FGF18: variants seen among roughly 807,000 people sequenced by gnomAD.
FGF18 encodes fibroblast growth factor 18.
FGF18 carries 5 observed loss-of-function variants against 23.0 expected under a neutral mutation model. The ratio of observed to expected loss-of-function variants is 0.22; its 90% CI spans 0.11 to 0.46. The LOEUF (loss-of-function observed/expected upper bound fraction) is 0.46. Ranked by LOEUF, FGF18 falls within the 20% of genes least tolerant of loss-of-function variation. The pLI is 0.99. For missense variants in FGF18, 180 were observed against 291.6 expected (o/e 0.62, Z 2.79); for synonymous variants, 117 against 118.9 (o/e 0.98, Z 0.10).
At chr5:171,437,700 C>G (rs867946899) in intron 3 of FGF18, among the ~76,000 whole-genome samples, 6 of 152,176 alleles carry the variant, frequency 3.9e-5, no homozygotes, top group Non-Finnish European at 8.8e-5. Context: ...CCTGGCTGTG[C>G]TAGGCTGACC....
intron 2 of FGF18, among the ~76,000 whole-genome samples, chr5:171,432,274 C>T (rs1482604478): frequency 6.6e-6 from 1 of 152,184 alleles, no homozygotes; most frequent in African/African-American, 2.4e-5. Flanking sequence ...CCCCGCTATG[C>T]ATGTGCTCTG....
chr5:171,442,520 G>A (rs1042793302), intron 3 of FGF18, among the ~76,000 whole-genome samples: 5 of 152,166 alleles, frequency 3.3e-5, no homozygotes, highest in Admixed American at 2.0e-4. Flanking sequence ...TCCAGCCCTC[G>A]CAGGGCCCCA....
At position 171,451,263 on chromosome 5, in the gene FGF18, G is replaced by A. The variant is rs1210079697; in HGVS notation, c.357+2010G>A. On this transcript the variant is annotated intron_variant, in intron 4 of 4. Transcript: ENST00000274625. This position sits in a 1 kb window ranked among gnomAD's most constrained non-coding sequence, Gnocchi z 4.5. ...CCCCCGCTCCCGCCCAGGCCTCCAC[G>A]CCCGACCCCAACCCTTGCCAGCCTC... Among the ~76,000 whole-genome samples, 2 of 148,274 alleles carry A rather than the reference G, an allele frequency of 1.3e-5. No homozygotes were observed. Among genetic ancestry groups the A allele is most frequent in the East Asian group, 4.3e-4 (2 of 4,654 alleles).
At chr5:171,455,239 A>C (rs567290906) in intron 4 of FGF18, among the ~76,000 whole-genome samples, 57 of 152,330 alleles carry the variant, frequency 3.7e-4, no homozygotes, top group African/African-American at 1.3e-3. Flanking sequence ...CAGGAGCCTG[A>C]GATCCCACAA....
chr5:171,432,923 C>T (rs1472595527), intron 2 of FGF18, among the ~76,000 whole-genome samples: 2 of 152,262 alleles, frequency 1.3e-5, no homozygotes, highest in Non-Finnish European at 2.9e-5. Context: ...GAACCAGTCA[C>T]ACTGGACTTG....
intron 4 of FGF18, among the ~76,000 whole-genome samples, chr5:171,449,748 T>C (rs1772470971): frequency 6.6e-6 from 1 of 151,568 alleles, no homozygotes; most frequent in African/African-American, 2.4e-5. Context: ...CTGGGCCTCT[T>C]GGTTCTAGCA....
chr5:171,428,088 C>T (rs981322990), intron 2 of FGF18, among the ~76,000 whole-genome samples: 7 of 152,206 alleles, frequency 4.6e-5, no homozygotes, highest in African/African-American at 7.2e-5. Flanking sequence ...ATGTGAGCTG[C>T]GTATCTGCAT....
intron 2 of FGF18, among the ~76,000 whole-genome samples, chr5:171,424,882 C>T (rs1034112216): frequency 5.3e-5 from 8 of 152,054 alleles, no homozygotes; most frequent in African/African-American, 1.9e-4. Flanking sequence ...GGGCGGGGCT[C>T]CCCATCAGCA....
chr5:171,427,151 G>GGT (rs1184685026), intron 2 of FGF18, among the ~76,000 whole-genome samples: 1 of 151,234 alleles, frequency 6.6e-6, no homozygotes, highest in Non-Finnish European at 1.5e-5. Context: ...AGGTTGCGGT[G>GGT]AGCCAAGATC....
At chr5:171,420,289 G>A (rs939015321) in intron 1 of FGF18, 58 bp downstream of exon 1, 206 of 1,606,830 alleles carry the variant, frequency 1.3e-4, no homozygotes, top group South Asian at 1.8e-4. Context: ...GTATGCCTGT[G>A]CCCTGTACCT....
At chr5:171,442,395 G>T (rs1035360008) in intron 3 of FGF18, among the ~76,000 whole-genome samples, 1 of 152,162 alleles carries the variant, frequency 6.6e-6, no homozygotes, top group African/African-American at 2.4e-5. Context: ...GGGCTGACTC[G>T]GTGTGACCTC....
intron 4 of FGF18, among the ~76,000 whole-genome samples, chr5:171,454,472 G>A (rs6878769): frequency 2.6e-5 from 4 of 152,220 alleles, no homozygotes; most frequent in African/African-American, 9.6e-5. Flanking sequence ...GTAGACCTTC[G>A]CTGCTCACGC....
chr5:171,441,473 G>A (rs549842209), intron 3 of FGF18, among the ~76,000 whole-genome samples: 44 of 152,250 alleles, frequency 2.9e-4, no homozygotes, highest in Non-Finnish European at 4.1e-4. Flanking sequence ...GTCCGTCTGC[G>A]GGCCTTTGCA....
chr5:171,443,217 C>G (rs1202053884), intron 3 of FGF18, among the ~76,000 whole-genome samples: 1 of 152,084 alleles, frequency 6.6e-6, no homozygotes, highest in African/African-American at 2.4e-5. Flanking sequence ...GCAACCTCTG[C>G]CTCCAAGGTT....
At chr5:171,446,493 A>G (rs1269648818) in intron 3 of FGF18, among the ~76,000 whole-genome samples, 1 of 152,196 alleles carries the variant, frequency 6.6e-6, no homozygotes, top group African/African-American at 2.4e-5. Context: ...AAAGACACCC[A>G]ATCTCAGGAT....
chr5:171,437,501 T>C (rs1196317190), intron 3 of FGF18, among the ~76,000 whole-genome samples: 2 of 152,062 alleles, frequency 1.3e-5, no homozygotes, highest in African/African-American at 4.8e-5. Flanking sequence ...CCTCCCACTC[T>C]CTTTCCCCTT....
intron 2 of FGF18, among the ~76,000 whole-genome samples, chr5:171,424,073 C>T (rs944824276): frequency 1.4e-4 from 21 of 152,136 alleles, no homozygotes; most frequent in African/African-American, 4.8e-4. Flanking sequence ...CTTTTAATTT[C>T]CTAAAGCAAC....
chr5:171,452,070 A>G (rs1772523274), intron 4 of FGF18, among the ~76,000 whole-genome samples: 1 of 152,264 alleles, frequency 6.6e-6, no homozygotes, highest in Non-Finnish European at 1.5e-5. Flanking sequence ...CCAAAGAAAT[A>G]GAAACATGGT....
chr5:171,427,651 C>A (rs1459673696), intron 2 of FGF18, among the ~76,000 whole-genome samples: 1 of 152,186 alleles, frequency 6.6e-6, no homozygotes, highest in Admixed American at 6.5e-5. Flanking sequence ...TAGTGTTGCT[C>A]GTCATCAACA....
Sources: gnomAD v4.1 joint callset for allele counts (sites outside exome capture counted in the v4.1 genomes callset) on GRCh38, gnomAD v4.1.1 for gene constraint, Gnocchi (gnomAD v3.1) non-coding constraint, MANE v1.5 for transcripts, NCBI Gene and HGNC (gene_info 2026-07-23, HGNC 2026-07-21) for gene names.